The following RGS5 variants were observed in gnomAD, a reference collection of about 807,000 sequenced individuals.
The protein encoded by RGS5 is regulator of G-protein signalling 5.
In RGS5, 20 loss-of-function variants were observed where a neutral mutation model predicts 18.9. That is an observed-to-expected ratio of 1.06 (90% CI 0.74 to 1.54). The LOEUF (loss-of-function observed/expected upper bound fraction) is 1.54, where lower values mean the gene tolerates loss of function less well. Among genes scored for constraint, RGS5 ranks in the 40% most tolerant of loss-of-function variants. RGS5 has a pLI of 0.00. For missense variants in RGS5, 201 were observed against 211.8 expected, an observed-to-expected ratio of 0.95 and a Z score of 0.32; for synonymous variants, 57 against 76.2, an observed-to-expected ratio of 0.75 and a Z score of 1.31.
At chr1:163,257,040 T>G (rs779881136) in intron 2 of RGS5, among the ~76,000 whole-genome samples, 2 of 152,214 alleles carry the variant, frequency 1.3e-5, no homozygotes, top group African/African-American at 2.4e-5. Flanking sequence ...ATATATTTTT[T>G]GAGGTTTTAT....
intron 1 of RGS5, among the ~76,000 whole-genome samples, chr1:163,183,769 CT>C (rs1413720236): frequency 2.0e-5 from 3 of 152,138 alleles, no homozygotes; most frequent in Admixed American, 6.5e-5. Flanking sequence ...TAGCTTCTCC[CT>C]GAGGGAGATC....
At chr1:163,173,921 A>C (rs752310082) in intron 1 of RGS5, among the ~76,000 whole-genome samples, 1 of 151,980 alleles carries the variant, frequency 6.6e-6, no homozygotes, top group African/African-American at 2.4e-5. Context: ...TGAAAATACA[A>C]AAAAAATTAG....
chr1:163,295,615 G>A (rs1571346798), intron 2 of RGS5, among the ~76,000 whole-genome samples: 1 of 152,260 alleles, frequency 6.6e-6, no homozygotes, highest in East Asian at 1.9e-4. Context: ...CATGCAAATT[G>A]TTCTCTCTTC....
intron 2 of RGS5, among the ~76,000 whole-genome samples, chr1:163,274,260 G>T (rs1293761855): frequency 6.6e-6 from 1 of 151,762 alleles, no homozygotes; most frequent in African/African-American, 2.4e-5. Context: ...AGAAATTAGA[G>T]GGTTGGAACT....
intron 1 of RGS5, among the ~76,000 whole-genome samples, chr1:163,200,988 T>C: frequency 6.6e-6 from 1 of 152,234 alleles, no homozygotes; most frequent in South Asian, 2.1e-4. Flanking sequence ...TGAGAAAACA[T>C]AGAGCAAAAT....
At chr1:163,258,332 A>C (rs1648333226) in intron 2 of RGS5, among the ~76,000 whole-genome samples, 1 of 152,186 alleles carries the variant, frequency 6.6e-6, no homozygotes, top group African/African-American at 2.4e-5. Flanking sequence ...TTGTGGGTGG[A>C]TGGAATATGG....
chr1:163,146,817 T>C lies in RGS5; in HGVS notation c.*525A>G, dbSNP rs1159607957. The C allele has an allele frequency of 3.3e-5, 5 of 152,182 alleles. No homozygotes were observed. Among genetic ancestry groups the C allele is most frequent in the Admixed American group, 6.5e-5 (1 of 15,284 alleles). The allele number at this position is 152,182 out of a possible 1,614,324, so 9.4% of individuals were successfully genotyped here. ...AAGGATCAATATTTTAAATAACATA[T>C]TTGCTTAAAATATCATACAGTGGCT... On this transcript the variant is annotated 3_prime_UTR_variant, in exon 5 of 5. Transcript: ENST00000313961.
intron 1 of RGS5, among the ~76,000 whole-genome samples, chr1:163,320,598 G>T (rs944869060): frequency 1.3e-5 from 2 of 152,066 alleles, no homozygotes; most frequent in African/African-American, 4.8e-5. Flanking sequence ...TAATCAATTT[G>T]ATTTGGCAAG....
At position 163,181,072 on chromosome 1, in the gene RGS5, A is replaced by G. The variant is rs538496363; in HGVS notation, c.45-12704T>C. On this transcript the variant is annotated intron_variant, in intron 1 of 4. Transcript: ENST00000313961. ...TTTTTTCTCATATACATAAGATCAT[A>G]TGGTATGCAACCTTTGCCTCTGGCT... 5.3e-5 allele frequency among the ~76,000 whole-genome samples: 8 copies of G among 152,176 alleles called. No individual in the cohort carries two copies. The South Asian group carries it at 1.2e-3, about 24-fold the overall frequency.
At position 163,161,381 on chromosome 1, in the gene RGS5, C is replaced by T. The variant is rs544152658; in HGVS notation, c.217+534G>A. On this transcript the variant is annotated intron_variant, in intron 3 of 4. Transcript: ENST00000313961. Reference sequence around the variant, plus strand: ...GAAAAGAGTCTGCACTGATCAGCACCTTTGTCATTTCTTGAATTAAGATGT... The same window carrying T: ...GAAAAGAGTCTGCACTGATCAGCACTTTTGTCATTTCTTGAATTAAGATGT... Among the ~76,000 whole-genome samples the T allele has an allele frequency of 2.6e-5, 4 of 152,244 alleles. No individual in the cohort carries two copies. In the East Asian group the frequency reaches 7.7e-4, roughly 29 times the overall value.
At chr1:163,199,747 G>C (rs1557902217) in intron 1 of RGS5, among the ~76,000 whole-genome samples, 1 of 152,004 alleles carries the variant, frequency 6.6e-6, no homozygotes, top group Non-Finnish European at 1.5e-5. Flanking sequence ...CTGGGTCCTT[G>C]ATTATTTTTC....
intron 2 of RGS5, among the ~76,000 whole-genome samples, chr1:163,236,554 C>T (rs921403072): frequency 2.0e-5 from 3 of 152,100 alleles, no homozygotes; most frequent in African/African-American, 7.2e-5. Context: ...CTTTCCCTCA[C>T]AGTTAGAAAA....
upstream of RGS5, among the ~76,000 whole-genome samples, chr1:163,222,305 C>T (rs190998160): frequency 5.9e-5 from 9 of 152,126 alleles, no homozygotes; most frequent in East Asian, 1.9e-4. Context: ...ACTGTGCATG[C>T]GAGGAATCTA....
At chr1:163,185,472 T>C (rs1404983366) in intron 1 of RGS5, among the ~76,000 whole-genome samples, 1 of 152,214 alleles carries the variant, frequency 6.6e-6, no homozygotes, top group East Asian at 1.9e-4. Flanking sequence ...TCATATTCCA[T>C]CAAGAGTCCA....
upstream of RGS5, among the ~76,000 whole-genome samples, chr1:163,219,625 T>C (rs1660292752): frequency 6.6e-6 from 1 of 152,184 alleles, no homozygotes; most frequent in Non-Finnish European, 1.5e-5. Context: ...ATGATGTTCA[T>C]GCATTGCTGT....
At chr1:163,298,911 C>T (rs1649489384) in intron 2 of RGS5, among the ~76,000 whole-genome samples, 1 of 152,058 alleles carries the variant, frequency 6.6e-6, no homozygotes, top group African/African-American at 2.4e-5. Flanking sequence ...TAGATAATTA[C>T]CTTGAAGATG....
intron 1 of RGS5, among the ~76,000 whole-genome samples, chr1:163,319,671 G>T (rs1217928405): frequency 1.3e-5 from 2 of 152,298 alleles, no homozygotes; most frequent in East Asian, 3.9e-4. Context: ...TCAGACACAG[G>T]AAGTTTGGAT....
At chr1:163,281,021 C>T (rs959924606) in intron 2 of RGS5, among the ~76,000 whole-genome samples, 2 of 152,102 alleles carry the variant, frequency 1.3e-5, no homozygotes, top group African/African-American at 2.4e-5. Flanking sequence ...ATGATTGAAT[C>T]ATGGGGGTGG....
chr1:163,246,414 A>G (rs531653091), intron 2 of RGS5, among the ~76,000 whole-genome samples: 2 of 151,758 alleles, frequency 1.3e-5, no homozygotes, highest in African/African-American at 4.8e-5. Context: ...ACTAAAAAAT[A>G]CAAAAAATTA....
Sources: allele counts gnomAD v4.1 joint callset (sites outside exome capture counted in the v4.1 genomes callset), GRCh38; gene constraint gnomAD v4.1.1; transcripts MANE v1.5; gene names NCBI Gene and HGNC (gene_info 2026-07-23, HGNC 2026-07-21).